Variants in IFT46 observed in about 807,000 individuals in gnomAD.
IFT46 encodes intraflagellar transport protein 46 homolog.
A neutral mutation model predicts 39.6 loss-of-function variants in IFT46; 19 were observed. The observed-to-expected ratio is 0.48, with a 90% CI of 0.33 to 0.70. IFT46 has a LOEUF of 0.70. Among genes scored for constraint, IFT46 ranks in the 30% least tolerant of loss-of-function variants. IFT46 has a pLI of 0.01. For missense variants in IFT46, 334 were observed against 364.8 expected (o/e 0.92, Z 0.69); for synonymous variants, 117 against 134.8 (o/e 0.87, Z 0.91).
At chr11:118,547,769 CAG>C (rs1234097239) in intron 9 of IFT46, among the ~76,000 whole-genome samples, 2 of 118,634 alleles carry the variant, frequency 1.7e-5, no homozygotes, top group East Asian at 2.8e-4. Context: ...TTTTTTGAGA[CAG>C]AGTCTCACTC....
chr11:118,552,014 G>A (rs1937658040), intron 8 of IFT46, among the ~76,000 whole-genome samples, 162 bp from the exon 9 acceptor site: 1 of 152,160 alleles, frequency 6.6e-6, no homozygotes, highest in South Asian at 2.1e-4. Context: ...CAGGGCCTGG[G>A]GTTTGGAGGA....
chr11:118,562,742 G>A (rs556357013), intron 2 of IFT46, among the ~76,000 whole-genome samples: 3 of 152,240 alleles, frequency 2.0e-5, no homozygotes, highest in East Asian at 1.9e-4. Context: ...AAAACAACCC[G>A]AGTGTCCATT....
Position 118,572,814 on chromosome 11 carries a change from C to G in IFT46, c.-351G>C. 6.8e-6 allele frequency: 3 copies of G among 442,046 alleles called. No homozygotes were observed. In the South Asian group the frequency reaches 1.4e-4, roughly 20 times the overall value. 27.4% of individuals were successfully genotyped at this position (442,046 alleles called of 1,614,324 possible). The stretch of plus-strand genomic sequence containing the variant: ...CTCCCTCGTTTGCTGGGACCTGCCC[C>G]TGAGACGGCCCGGCGTTTTTGCTCT... On this transcript the variant is annotated 5_prime_UTR_variant, in exon 1 of 6. Transcript: ENST00000528378.
chr11:118,564,533 A>C (rs939996989), intron 2 of IFT46, among the ~76,000 whole-genome samples: 2 of 152,166 alleles, frequency 1.3e-5, no homozygotes, highest in East Asian at 3.8e-4. Context: ...TAACATAGCG[A>C]GGCCTCGTCT....
upstream of IFT46, among the ~76,000 whole-genome samples, chr11:118,569,029 C>T (rs551433565): frequency 1.3e-5 from 2 of 151,754 alleles, no homozygotes; most frequent in African/African-American, 2.4e-5. Context: ...GCCTGTAATC[C>T]CAGCACTCTG....
chr11:118,548,428 G>C (rs1951747206), intron 9 of IFT46, among the ~76,000 whole-genome samples: 2 of 145,304 alleles, frequency 1.4e-5, no homozygotes, highest in South Asian at 2.2e-4. Flanking sequence ...ACAGTGGCGC[G>C]ATCTTGGCTC....
At chr11:118,575,974 G>GT (rs150069695), upstream of IFT46, among the ~76,000 whole-genome samples, 9,343 of 143,118 alleles carry the variant, frequency 0.065, 933 homozygotes, top group African/African-American at 0.22. Context: ...CACTGTAGTT[G>GT]TTTTTTTTTT....
chr11:118,561,030 T>C (rs868956235), intron 2 of IFT46: 15 of 1,512,334 alleles, frequency 9.9e-6, no homozygotes, highest in African/African-American at 8.2e-5. Context: ...AGGTTTGGCA[T>C]GGACAAGATC....
chr11:118,549,526 CTT>C (rs201176415), intron 9 of IFT46, among the ~76,000 whole-genome samples: 19,254 of 137,284 alleles, frequency 0.14, 1,358 homozygotes, highest in East Asian at 0.45. Context: ...TCCATTATGA[CTT>C]TTTTTTTTTT....
chr11:118,544,774 G>C lies in IFT46; in HGVS notation c.*142C>G. On this transcript the variant is annotated 3_prime_UTR_variant, in exon 12 of 12. Coordinates refer to ENST00000264021, the MANE Select transcript of IFT46 (RefSeq NM_001168618.2). ...AAACAAACATGTTCTGTGCCCTCTG[G>C]CAGAGAGGGCAGCAGGACATGCACT... 1.6e-6 allele frequency: 1 copy of C among 640,406 alleles called. No individual in the cohort carries two copies. The highest frequency in any genetic ancestry group is 2.8e-6 in the Non-Finnish European group (1 of 355,502). 39.7% of individuals were successfully genotyped at this position (640,406 alleles called of 1,614,324 possible).
chr11:118,560,434 TGGGAG>T (rs1160267059), intron 2 of IFT46: 3 of 58,432 alleles, frequency 5.1e-5, no homozygotes, highest in African/African-American at 3.7e-4. Context: ...AGAAACGGAA[TGGGAG>T]GGGAAGGGAG....
chr11:118,552,948 G>T (rs1937697220), intron 7 of IFT46, among the ~76,000 whole-genome samples: 1 of 151,280 alleles, frequency 6.6e-6, no homozygotes, highest in Admixed American at 6.6e-5. Flanking sequence ...AGCCAGGCAT[G>T]ATGGCACACA....
chr11:118,570,047 T>G (rs1469926556), upstream of IFT46, among the ~76,000 whole-genome samples: 107 of 136,806 alleles, frequency 7.8e-4, 2 homozygotes, highest in East Asian at 0.011. Flanking sequence ...ACGCCCAGCT[T>G]TTTTTTTTTT....
At chr11:118,557,107 C>A in intron 3 of IFT46, 62 bp from the exon 4 acceptor site, 2 of 1,449,634 alleles carry the variant, frequency 1.4e-6, no homozygotes, top group East Asian at 2.4e-5. Context: ...TACCTATGCC[C>A]AGTTCTCTAT....
upstream of IFT46, among the ~76,000 whole-genome samples, chr11:118,567,015 T>C (rs1938240786): frequency 6.6e-6 from 1 of 151,610 alleles, no homozygotes; most frequent in Non-Finnish European, 1.5e-5. Context: ...GGACGATTGC[T>C]TGAGTTCAGG....
intron 9 of IFT46, among the ~76,000 whole-genome samples, chr11:118,548,989 T>C (rs4938513): frequency 0.67 from 101,716 of 151,018 alleles, 35,843 homozygotes; most frequent in African/African-American, 0.9. Context: ...GCACCCCTCC[T>C]GGGTTCAAGA....
chr11:118,575,621 T>G (rs1938478205), upstream of IFT46, among the ~76,000 whole-genome samples: 1 of 152,186 alleles, frequency 6.6e-6, no homozygotes, highest in South Asian at 2.1e-4. Context: ...TCCCTGACAA[T>G]TATAGAAACT....
At chr11:118,563,816 C>T (rs544236605) in intron 2 of IFT46, among the ~76,000 whole-genome samples, 1 of 152,280 alleles carries the variant, frequency 6.6e-6, no homozygotes, top group East Asian at 1.9e-4. Flanking sequence ...ACTGTTTCCT[C>T]TTCCTGGTCT....
In IFT46 at chr11:118,557,037, C is replaced by T; in HGVS notation, c.54G>A (p.Lys18=). The change falls in exon 4 of 12, where the codon AAG becomes AAA. Residue 18 remains lysine (K), a synonymous_variant. Coordinates refer to ENST00000264021, the MANE Select transcript of IFT46 (RefSeq NM_001168618.2). ...ECEEENNKEK[K]KTSQLTPQRG... Reference sequence around the variant, plus strand: ...GTTGAGGTGTCAACTGTGAGGTCTTCTTCTTCTCCTGTGATAGGGCAGGGC... The same window carrying T: ...GTTGAGGTGTCAACTGTGAGGTCTTTTTCTTCTCCTGTGATAGGGCAGGGC... 1.2e-6 allele frequency: 2 copies of T among 1,602,056 alleles called. No individual in the cohort carries two copies. Among genetic ancestry groups the T allele is most frequent in the Admixed American group, 1.7e-5 (1 of 57,860 alleles).
Sources: allele counts gnomAD v4.1 joint callset (sites outside exome capture counted in the v4.1 genomes callset), GRCh38; gene constraint gnomAD v4.1.1; transcripts MANE v1.5; gene names NCBI Gene and HGNC (gene_info 2026-07-23, HGNC 2026-07-21).